Variants in MCOLN2 observed in about 807,000 individuals in gnomAD.
The protein encoded by MCOLN2 is mucolipin-2.
In MCOLN2, 57 loss-of-function variants were observed where a neutral mutation model predicts 67.5. The observed-to-expected ratio is 0.84, with a 90% CI of 0.68 to 1.05. The LOEUF is 1.05. Among genes scored for constraint, MCOLN2 ranks in the 50% least tolerant of loss-of-function variants. The pLI is 0.00. For synonymous variants in MCOLN2, 246 were observed against 233.3 expected (o/e 1.05, Z -0.50); for missense variants, 620 against 678.8 (o/e 0.91, Z 0.96).
chr1:84,958,226 T>C (rs1395081677), intron 3 of MCOLN2, among the ~76,000 whole-genome samples: 1 of 152,228 alleles, frequency 6.6e-6, no homozygotes. Context: ...GATTTTATAT[T>C]AAGCTTTCAT....
chr1:84,980,854 A>G (rs2102878036), intron 1 of MCOLN2, among the ~76,000 whole-genome samples: 1 of 152,324 alleles, frequency 6.6e-6, no homozygotes, highest in African/African-American at 2.4e-5. Context: ...GGAAACAATC[A>G]ACAAAGTGAA....
chr1:84,956,370 G>A, intron 4 of MCOLN2, 61 bp downstream of exon 4: 3 of 1,547,824 alleles, frequency 1.9e-6, no homozygotes, highest in Admixed American at 2.0e-5. Flanking sequence ...TAGCACATGA[G>A]GGCATTTCTG....
chr1:84,929,713 A>G, intron 12 of MCOLN2, 34 bp from the exon 13 acceptor site: 1 of 1,593,458 alleles, frequency 6.3e-7, no homozygotes, highest in Non-Finnish European at 8.6e-7. Flanking sequence ...TACCTTATTT[A>G]TAAGGCATGA....
At chr1:84,932,612 T>C (rs1027125791) in intron 11 of MCOLN2, among the ~76,000 whole-genome samples, 3 of 152,156 alleles carry the variant, frequency 2.0e-5, no homozygotes, top group Admixed American at 6.5e-5. Context: ...TAAATTGCCC[T>C]ATTTCTGTCA....
chr1:84,942,090 C>T (rs1288538910), intron 7 of MCOLN2, among the ~76,000 whole-genome samples: 1 of 152,206 alleles, frequency 6.6e-6, no homozygotes, highest in African/African-American at 2.4e-5. Flanking sequence ...ACTTCTCCCA[C>T]ATGCATGGCT....
At chr1:84,971,499 T>C (rs933879398) in intron 1 of MCOLN2, among the ~76,000 whole-genome samples, 60 of 132,182 alleles carry the variant, frequency 4.5e-4, no homozygotes, top group Non-Finnish European at 5.8e-4. Flanking sequence ...TAAACAGACA[T>C]ACACACACAC....
Position 84,929,560 on chromosome 1 carries a change from C to T in MCOLN2, c.1662G>A (p.Arg554=), listed in dbSNP as rs1474131245. Reference sequence around the variant, plus strand: ...TGGAGAATAAACATGATACTGACCTCCTCCGACAGCAGATGCAGGACAGGA... The same window carrying T: ...TGGAGAATAAACATGATACTGACCTTCTCCGACAGCAGATGCAGGACAGGA... The part of the protein sequence containing the change: ...SAFLSCICCR[R]RKRSDDHLIP... The change falls in exon 13 of 14, where the codon AGG becomes AGA. Residue 554 remains arginine, a splice_region_variant and synonymous_variant. Coordinates refer to ENST00000370608, the MANE Select transcript of MCOLN2 (RefSeq NM_153259.4). 6.2e-7 allele frequency: 1 copy of T among 1,612,688 alleles called. No individual in the cohort carries two copies. The highest frequency in any genetic ancestry group is 1.3e-5 in the African/African-American group (1 of 74,896).
In MCOLN2 at chr1:84,982,838, G is replaced by A. The variant is rs907474303; in HGVS notation, c.77+13958C>T. Among the ~76,000 whole-genome samples, 4 of 152,094 alleles carry A rather than the reference G, an allele frequency of 2.6e-5. No homozygotes were observed. In the East Asian group the frequency reaches 5.8e-4, roughly 22 times the overall value. On this transcript the variant is annotated intron_variant, in intron 1 of 13. Transcript: ENST00000370608. ...CTGCCTCAGCCTCCAGAGTAGCTGG[G>A]ACTACAGGCACCTGCTACCATGCCC...
chr1:84,987,560 G>GTATATATCGATA (rs1469966340), intron 1 of MCOLN2, among the ~76,000 whole-genome samples: 12 of 87,642 alleles, frequency 1.4e-4, no homozygotes, highest in African/African-American at 4.9e-4. Context: ...ATACATCTAT[G>GTATATATCGATA]TATACATAGA....
chr1:84,991,332 C>T (rs533847875), intron 1 of MCOLN2, among the ~76,000 whole-genome samples: 5 of 152,222 alleles, frequency 3.3e-5, no homozygotes, highest in Admixed American at 3.3e-4. Context: ...AGATAAAATG[C>T]TTTAGACCAT....
chr1:84,988,578 C>T (rs971547947), intron 1 of MCOLN2, among the ~76,000 whole-genome samples: 1 of 152,124 alleles, frequency 6.6e-6, no homozygotes, highest in Admixed American at 6.6e-5. Context: ...TCCTTCAAAA[C>T]CACAAGGAGT....
rs1557665074 is a variant in MCOLN2, at chr1:84,987,212, A to ATC, written c.77+9583_77+9584insGA. Among the ~76,000 whole-genome samples the ATC allele has an allele frequency of 5.0e-3, 301 of 60,336 alleles. 3 individuals carry two copies. The highest frequency in any genetic ancestry group is 0.032 in the East Asian group (92 of 2,880). The allele number at this position is 60,336 out of a possible 152,430, so 39.6% of individuals were successfully genotyped here. On this transcript the variant is annotated intron_variant, in intron 1 of 13. Coordinates refer to ENST00000370608, the MANE Select transcript of MCOLN2 (RefSeq NM_153259.4). ...TCTATCTATCTATCTATCTATCTAT[A>ATC]TATATGGCATATATATACAGCTATA...
intron 2 of MCOLN2, among the ~76,000 whole-genome samples, chr1:84,962,511 C>A (rs1239087460): frequency 4.6e-5 from 7 of 152,044 alleles, no homozygotes; most frequent in Non-Finnish European, 7.4e-5. Context: ...CCACTGCACT[C>A]CAGCCTGGGT....
At chr1:84,932,874 C>G (rs535107049) in intron 11 of MCOLN2, among the ~76,000 whole-genome samples, 1 of 152,286 alleles carries the variant, frequency 6.6e-6, no homozygotes, top group South Asian at 2.1e-4. Context: ...TGCAGTAAAA[C>G]CTGTACTTTA....
intron 4 of MCOLN2, among the ~76,000 whole-genome samples, chr1:84,955,129 A>C (rs1435919608): frequency 2.6e-5 from 4 of 152,120 alleles, no homozygotes; most frequent in African/African-American, 7.2e-5. Flanking sequence ...GGCTTTTCTC[A>C]CTTTGCTCTG....
At chr1:84,971,540 ACACACG>A (rs1323070728) in intron 1 of MCOLN2, among the ~76,000 whole-genome samples, 40 of 144,524 alleles carry the variant, frequency 2.8e-4, no homozygotes, top group African/African-American at 9.5e-4. Context: ...ACACACACAC[ACACACG>A]ATATCTTATT....
chr1:84,927,629 G>A (rs986777766), intron 13 of MCOLN2, among the ~76,000 whole-genome samples: 2 of 152,222 alleles, frequency 1.3e-5, no homozygotes, highest in African/African-American at 2.4e-5. Context: ...CCACAGCCGT[G>A]CTCTGCAGGA....
chr1:84,965,458 CT>C, intron 2 of MCOLN2, 90 bp downstream of exon 2: 2 of 1,389,636 alleles, frequency 1.4e-6, no homozygotes, highest in Non-Finnish European at 2.0e-6. Flanking sequence ...TGAGTGTGGG[CT>C]TTTCAGAACA....
chr1:84,949,602 CTGCA>C (rs1300945353), intron 6 of MCOLN2, among the ~76,000 whole-genome samples: 16 of 152,040 alleles, frequency 1.1e-4, no homozygotes, highest in African/African-American at 3.9e-4. Flanking sequence ...GATTGTGCCA[CTGCA>C]TGCACTCCAG....
Sources: allele counts gnomAD v4.1 joint callset (sites outside exome capture counted in the v4.1 genomes callset), GRCh38; gene constraint gnomAD v4.1.1; transcripts MANE v1.5; gene names NCBI Gene and HGNC (gene_info 2026-07-23, HGNC 2026-07-21).